The following RNF144A variants were observed in gnomAD, a reference collection of about 807,000 sequenced individuals.
RNF144A encodes the protein E3 ubiquitin-protein ligase RNF144A.
Under a neutral mutation model 38.7 loss-of-function variants are expected in RNF144A, and 11 were observed. The ratio of observed to expected loss-of-function variants is 0.28; its 90% CI spans 0.18 to 0.47. The LOEUF is 0.47. Ranked by LOEUF, RNF144A falls within the 20% of genes least tolerant of loss-of-function variation. RNF144A has a pLI of 0.99. For missense variants in RNF144A, 316 were observed against 377.2 expected, an observed-to-expected ratio of 0.84 and a Z score of 1.34; for synonymous variants, 149 against 143.9, an observed-to-expected ratio of 1.04 and a Z score of -0.25.
intron 2 of RNF144A, among the ~76,000 whole-genome samples, chr2:6,965,714 G>A (rs1359553970): frequency 6.6e-6 from 1 of 151,940 alleles, no homozygotes; most frequent in Non-Finnish European, 1.5e-5. Flanking sequence ...TAAGGAAAAA[G>A]GCACGAGATT....
At position 7,039,816 on chromosome 2, in the gene RNF144A, A is replaced by C; in HGVS notation, c.*56A>C. 1.3e-6 allele frequency: 2 copies of C among 1,573,394 alleles called. No individual in the cohort carries two copies. The highest frequency in any genetic ancestry group is 1.2e-5 in the South Asian group (1 of 86,452). ...CTCCGGGAAGTGTGGCTCTCCCCCA[A>C]CCCTCCCCACCGTCCCCCCTTCACT... On this transcript the variant is annotated 3_prime_UTR_variant, in exon 9 of 9. Transcript: ENST00000320892.
chr2:7,051,754 C>T (rs554850453), intron 6 of RNF144A, among the ~76,000 whole-genome samples: 4 of 152,156 alleles, frequency 2.6e-5, no homozygotes, highest in East Asian at 1.9e-4. Flanking sequence ...CTGGGCATGG[C>T]GGTGGGTGCC....
At chr2:6,923,359 G>A (rs1237993132) in intron 1 of RNF144A, among the ~76,000 whole-genome samples, 2 of 152,150 alleles carry the variant, frequency 1.3e-5, no homozygotes, top group East Asian at 3.8e-4. Context: ...GCCTGTCGGT[G>A]TCTGTTAACA....
chr2:7,062,680 G>A (rs1017888949), intron 6 of RNF144A: 21 of 152,196 alleles, frequency 1.4e-4, no homozygotes, highest in Non-Finnish European at 1.5e-5. Flanking sequence ...ACTGGAGCAG[G>A]ATGGACCAGA....
rs1355742954 is a variant in RNF144A at position 7,060,274 on chromosome 2, T to C, written c.735-7942T>C. ...CATGATCCTGTTTTGTTTTTTTTTT[T>C]CTTCCTAATCTAAGGTTTCCAGATG... On this transcript the variant is annotated intron_variant, in intron 6 of 6. Coordinates refer to the RNF144A transcript ENST00000432850. Among the ~76,000 whole-genome samples the C allele has an allele frequency of 2.6e-5, 4 of 152,266 alleles. No individual in the cohort carries two copies. The East Asian group carries it at 7.7e-4, about 29-fold the overall frequency.
intron 2 of RNF144A, among the ~76,000 whole-genome samples, chr2:6,988,820 T>G (rs990760335): frequency 6.6e-6 from 1 of 152,214 alleles, no homozygotes; most frequent in Non-Finnish European, 1.5e-5. Flanking sequence ...TTATGTGGAA[T>G]TTTTCTGCAT....
At chr2:6,982,948 T>A (rs976868159) in intron 2 of RNF144A, among the ~76,000 whole-genome samples, 3 of 152,228 alleles carry the variant, frequency 2.0e-5, no homozygotes, top group Non-Finnish European at 2.9e-5. Context: ...TAGTGGCTTA[T>A]GATTTGCTTG....
chr2:7,016,347 A>G (rs746525868), intron 5 of RNF144A, among the ~76,000 whole-genome samples: 2 of 152,198 alleles, frequency 1.3e-5, no homozygotes, highest in Non-Finnish European at 1.5e-5. Flanking sequence ...TCTTCTGAGA[A>G]TATTTTCCAG....
chr2:7,072,981 C>T (rs1303037339), downstream of RNF144A, among the ~76,000 whole-genome samples: 2 of 152,206 alleles, frequency 1.3e-5, no homozygotes, highest in South Asian at 2.1e-4. Context: ...CCTGTCCTTC[C>T]TGTCCTTGAA....
At chr2:7,032,538 C>T (rs758141652) in intron 8 of RNF144A, among the ~76,000 whole-genome samples, 2 of 152,236 alleles carry the variant, frequency 1.3e-5, no homozygotes, top group East Asian at 1.9e-4. Flanking sequence ...AGAGTCCCTC[C>T]GGCCTTGTCC....
At chr2:7,021,100 G>A (rs1199044560) in intron 6 of RNF144A, among the ~76,000 whole-genome samples, 1 of 152,282 alleles carries the variant, frequency 6.6e-6, no homozygotes, top group East Asian at 1.9e-4. Context: ...ACTGTCTGGA[G>A]GGGGATGGGG....
intron 2 of RNF144A, among the ~76,000 whole-genome samples, chr2:6,989,396 A>G (rs1669190290): frequency 6.6e-6 from 1 of 152,226 alleles, no homozygotes; most frequent in African/African-American, 2.4e-5. Flanking sequence ...TAGTGGCTTC[A>G]GAACTGTTAA....
chr2:7,044,181 C>T (rs1673210465), downstream of RNF144A: 1 of 985,492 alleles, frequency 1.0e-6, no homozygotes, highest in Non-Finnish European at 1.2e-6. Context: ...TTTTGTAAAC[C>T]CCGCGTGGCT....
rs1673074993 is a variant in RNF144A, at chr2:7,042,017, T to C, written c.*2257T>C. 1.0e-6 allele frequency: 1 copy of C among 985,304 alleles called. No homozygotes were observed. Among genetic ancestry groups the C allele is most frequent in the Non-Finnish European group, 1.2e-6 (1 of 829,934 alleles). The allele number at this position is 985,304 out of a possible 1,614,324, so 61.0% of individuals were successfully genotyped here. A position where few individuals can be genotyped will look rare whatever the true frequency, so the allele number is the denominator to read the frequency against. On this transcript the variant is annotated 3_prime_UTR_variant, in exon 9 of 9. Coordinates refer to ENST00000320892, the MANE Select transcript of RNF144A (RefSeq NM_014746.6). Reference sequence around the variant, plus strand: ...TCAACCCAGATAGGGACCACAGAGATTCTGGGGCCAGCCAGGGGCAGTCAA... The same window carrying C: ...TCAACCCAGATAGGGACCACAGAGACTCTGGGGCCAGCCAGGGGCAGTCAA...
intron 3 of RNF144A, among the ~76,000 whole-genome samples, chr2:7,010,152 C>T (rs1307580634): frequency 2.0e-5 from 3 of 152,112 alleles, no homozygotes; most frequent in East Asian, 3.8e-4. Flanking sequence ...AGCAATATTC[C>T]GGAGCACCGC....
At chr2:7,005,042 G>A (rs1317248528) in intron 3 of RNF144A, among the ~76,000 whole-genome samples, 1 of 152,124 alleles carries the variant, frequency 6.6e-6, no homozygotes, top group Non-Finnish European at 1.5e-5. Flanking sequence ...TTTTATCTCT[G>A]CATTTTCTGT....
intron 6 of RNF144A, among the ~76,000 whole-genome samples, chr2:7,052,466 G>A (rs1673568727): frequency 6.6e-6 from 1 of 152,182 alleles, no homozygotes; most frequent in South Asian, 2.1e-4. Context: ...GCTGTCCTGT[G>A]GCCTCCAAGG....
At chr2:6,965,550 G>A (rs187194095) in intron 2 of RNF144A, among the ~76,000 whole-genome samples, 1 of 152,146 alleles carries the variant, frequency 6.6e-6, no homozygotes, top group Non-Finnish European at 1.5e-5. Flanking sequence ...CAAAACCTAA[G>A]CGCAAACAGC....
chr2:6,993,314 A>T (rs986552245), intron 2 of RNF144A, among the ~76,000 whole-genome samples: 3 of 152,148 alleles, frequency 2.0e-5, no homozygotes, highest in Non-Finnish European at 4.4e-5. Flanking sequence ...GGTGAGGGCC[A>T]TGGGCTGACC....
Sources: gnomAD v4.1 joint callset for allele counts (sites outside exome capture counted in the v4.1 genomes callset) on GRCh38, gnomAD v4.1.1 for gene constraint, MANE v1.5 for transcripts, NCBI Gene and HGNC (gene_info 2026-07-23, HGNC 2026-07-21) for gene names.